The following ABCA3 variants were observed in gnomAD, a reference collection of about 807,000 sequenced individuals.
ABCA3 encodes the protein phospholipid-transporting ATPase ABCA3.
In ABCA3, 88 loss-of-function variants were observed where a neutral mutation model predicts 172.8. That is an observed-to-expected ratio of 0.51 (90% CI 0.43 to 0.61). ABCA3 has a LOEUF of 0.61. Among genes scored for constraint, ABCA3 ranks in the 20% least tolerant of loss-of-function variants. The pLI, the probability that ABCA3 is intolerant of heterozygous loss-of-function variation, is 0.00. For synonymous variants in ABCA3, 1,066 were observed against 983.8 expected (o/e 1.08, Z -1.56); for missense variants, 2,164 against 2,301.0 (o/e 0.94, Z 1.22).
intron 10 of ABCA3, 76 bp downstream of exon 10, chr16:2,317,206 AC>A: frequency 6.3e-7 from 1 of 1,599,762 alleles, no homozygotes; most frequent in Non-Finnish European, 8.5e-7. Flanking sequence ...CCTTCCGATC[AC>A]AGCCTCTGGG....
chr16:2,285,532 C>A lies in ABCA3; in HGVS notation c.3393G>T (p.Gln1131His), dbSNP rs1490344721. 1 of 1,604,810 alleles carries A rather than the reference C, an allele frequency of 6.2e-7. No homozygotes were observed. Among genetic ancestry groups the A allele is most frequent in the Non-Finnish European group, 8.5e-7 (1 of 1,175,652 alleles). ...SERAVQAKHVQFVSGVHVASF... is the reference protein window; with the variant it reads ...SERAVQAKHVHFVSGVHVASF... ...TGGCCACGTGGACTCCACTCACAAA[C>A]TGCACATGCTTGGCCTGCACGGCCC... Residue 1131 changes from glutamine (Q) to histidine (H), a missense_variant, in exon 23 of 33, where the codon CAG (glutamine) becomes CAT (histidine). Gln to His is a conservative substitution (Grantham distance 24, BLOSUM62 0). Around this residue, in one of 3 missense-constraint regions of ABCA3, gnomAD observed 795 missense variants for 881.9 expected, o/e 0.90. Coordinates refer to ENST00000301732, the MANE Select transcript of ABCA3 (RefSeq NM_001089.3). The surrounding 1 kb of genome is among the most constrained non-coding windows in gnomAD (Gnocchi z 4.7).
At chr16:2,292,698 T>C (rs757577767) in intron 18 of ABCA3, among the ~76,000 whole-genome samples, 9 of 152,164 alleles carry the variant, frequency 5.9e-5, no homozygotes, top group Admixed American at 1.3e-4. Context: ...GGTGGGCGAA[T>C]TGCCTGAACT....
At position 2,281,180 on chromosome 16, in the gene ABCA3, G is replaced by C. The variant is rs369224394; in HGVS notation, c.4206C>G (p.Leu1402=). The part of the protein sequence containing the change: ...QRVPLLAVDR[L]SLAVQKGECF... ...ACTCCCCTTTCTGCACCGCGAGGGA[G>C]AGCCTGTCCACGGCCAGGAGGGGCA... is the stretch of plus-strand genomic sequence containing the variant. The change falls in exon 28 of 33, where the codon CTC becomes CTG. Residue 1402 remains leucine (L), a synonymous_variant. Transcript: ENST00000301732. This position sits in a 1 kb window ranked among gnomAD's most constrained non-coding sequence, Gnocchi z 4.7. The C allele has an allele frequency of 8.1e-6, 13 of 1,613,582 alleles. No homozygotes were observed. Among genetic ancestry groups the C allele is most frequent in the African/African-American group, 1.3e-5 (1 of 74,944 alleles).
chr16:2,340,184 G>A (rs546729489), intron 1 of ABCA3, among the ~76,000 whole-genome samples: 1 of 152,204 alleles, frequency 6.6e-6, no homozygotes, highest in Non-Finnish European at 1.5e-5. Flanking sequence ...TGCATCCCTC[G>A]GGGCCGGGGC....
At chr16:2,309,187 C>A (rs1429868292) in intron 10 of ABCA3, among the ~76,000 whole-genome samples, 1 of 152,192 alleles carries the variant, frequency 6.6e-6, no homozygotes, top group Non-Finnish European at 1.5e-5. Flanking sequence ...ACCTCGTGAT[C>A]CACCGGCCTT....
chr16:2,296,119 T>C (rs1324726264), intron 17 of ABCA3, among the ~76,000 whole-genome samples: 3 of 152,166 alleles, frequency 2.0e-5, no homozygotes, highest in Non-Finnish European at 4.4e-5. Context: ...AGGAAGGGAC[T>C]GTCAGCAGGA....
rs759921875 is a variant in ABCA3, at chr16:2,328,650, G to T, written c.-224C>A. The stretch of plus-strand genomic sequence containing the variant: ...TGGTGCTGGTCCACTCGCTACAACT[G>T]CAGGCAGAGAGGAGTCCTTCCCGCT... On this transcript the variant is annotated 5_prime_UTR_variant, in exon 3 of 33. An upstream open reading frame in the 5' UTR gains an earlier in-frame stop. Coordinates refer to ENST00000301732, the MANE Select transcript of ABCA3 (RefSeq NM_001089.3). 26 of 470,262 alleles carry T rather than the reference G, an allele frequency of 5.5e-5. No individual in the cohort carries two copies. Among genetic ancestry groups the T allele is most frequent in the Non-Finnish European group, 1.1e-4 (26 of 233,518 alleles). 29.1% of individuals were successfully genotyped at this position (470,262 alleles called of 1,614,324 possible).
At chr16:2,338,952 C>T (rs2093756145) in intron 1 of ABCA3, among the ~76,000 whole-genome samples, 1 of 151,852 alleles carries the variant, frequency 6.6e-6, no homozygotes, top group South Asian at 2.1e-4. Context: ...GATGAGGTTT[C>T]GCCATGTTGG....
Position 2,277,619 on chromosome 16 carries a change from C to T in ABCA3, c.4961G>A (p.Gly1654Asp). The part of the protein sequence containing the change: ...HQGMVHYHLP[G>D]RDLSWAKVFG... The stretch of plus-strand genomic sequence containing the variant: ...CACCTTCGCCCAGCTGAGGTCACGG[C>T]CCGGCAGGTGGTAATGGACCATGCC... The change falls in exon 32 of 33, where the codon GGC becomes GAC. Residue 1654 changes from glycine to aspartate, a missense_variant. Transcript: ENST00000301732. This position sits in a 1 kb window ranked among gnomAD's most constrained non-coding sequence, Gnocchi z 5.3. 6.2e-7 allele frequency: 1 copy of T among 1,613,138 alleles called. No individual in the cohort carries two copies.
At chr16:2,293,357 G>C (rs2093674990) in intron 18 of ABCA3, among the ~76,000 whole-genome samples, 1 of 145,272 alleles carries the variant, frequency 6.9e-6, no homozygotes, top group Non-Finnish European at 1.5e-5. Context: ...ACCGTGCCTG[G>C]CCAAAATGCC....
chr16:2,308,612 C>G lies in ABCA3; in HGVS notation c.1123G>C (p.Ala375Pro). 6.2e-7 allele frequency: 1 copy of G among 1,614,038 alleles called. No individual in the cohort carries two copies. Residue 375 changes from alanine (A) to proline (P), a missense_variant, in exon 11 of 33, where the codon GCA becomes CCA. Coordinates refer to ENST00000301732, the MANE Select transcript of ABCA3 (RefSeq NM_001089.3). ...STFFSKANMAAAFGGFLYFFT... is the reference protein window; with the variant it reads ...STFFSKANMAPAFGGFLYFFT... ...AAGTAGAGGAAGCCTCCGAAGGCTGCTGCCATGTTGGCTGCAGGTGTTGGA... is the reference window on the plus strand; with the variant it reads ...AAGTAGAGGAAGCCTCCGAAGGCTGGTGCCATGTTGGCTGCAGGTGTTGGA...
chr16:2,299,858 G>C, intron 13 of ABCA3, 147 bp downstream of exon 13: 1 of 1,190,864 alleles, frequency 8.4e-7, no homozygotes, highest in East Asian at 2.3e-5. Context: ...TTAGAGGGCA[G>C]CGGAGGGTTC....
At position 2,288,159 on chromosome 16, in the gene ABCA3, C is replaced by T; in HGVS notation, c.2871G>A (p.Arg957=). 1 of 1,610,926 alleles carries T rather than the reference C, an allele frequency of 6.2e-7. No individual in the cohort carries two copies. The highest frequency in any genetic ancestry group is 8.5e-7 in the Non-Finnish European group (1 of 1,178,576). The change falls in exon 21 of 33, where the codon AGG becomes AGA. Residue 957 remains arginine, a synonymous_variant. Transcript: ENST00000301732. ...SSELFDDPML[R]LTLGEYGRTV... ...TTCTGCCGTACTCGCCCAAGGTCAG[C>T]CTCAGCATGGGGTCGTCGAAGAGCT...
intron 12 of ABCA3, among the ~76,000 whole-genome samples, chr16:2,301,569 G>A (rs1056473178): frequency 3.9e-5 from 6 of 152,042 alleles, no homozygotes; most frequent in South Asian, 2.1e-4. Flanking sequence ...AATTAGGTGC[G>A]TGTAGTGGTG....
chr16:2,319,638 G>A lies in ABCA3; in HGVS notation c.816C>T (p.Thr272=). 1 of 1,613,738 alleles carries A rather than the reference G, an allele frequency of 6.2e-7. No homozygotes were observed. The highest frequency in any genetic ancestry group is 8.5e-7 in the Non-Finnish European group (1 of 1,180,024). ...QLPLLLLLSF[T]YTALTIARAV... Reference sequence around the variant, plus strand: ...CACGGGCAATGGTGAGCGCGGTGTAGGTGAAGCTGAGCAGCAGCAGCAGGG... The same window carrying A: ...CACGGGCAATGGTGAGCGCGGTGTAAGTGAAGCTGAGCAGCAGCAGCAGGG... The change falls in exon 8 of 33, where the codon ACC becomes ACT. Residue 272 remains threonine, a synonymous_variant. Transcript: ENST00000301732.
At position 2,281,544 on chromosome 16, in the gene ABCA3, C is replaced by A. The variant is rs2093655239; in HGVS notation, c.4036-35G>T. The A allele has an allele frequency of 1.2e-6, 2 of 1,610,590 alleles. No homozygotes were observed. The highest frequency in any genetic ancestry group is 1.7e-6 in the Non-Finnish European group (2 of 1,178,986). Reference sequence around the variant, plus strand: ...CAGGACAAAGACCGCATGCGTGAACCCAGCCGCAGGGCGGCTTCCGTGGAG... The same window carrying A: ...CAGGACAAAGACCGCATGCGTGAACACAGCCGCAGGGCGGCTTCCGTGGAG... On this transcript the variant is annotated intron_variant, in intron 26 of 32. Coordinates refer to ENST00000301732, the MANE Select transcript of ABCA3 (RefSeq NM_001089.3). This position sits in a 1 kb window ranked among gnomAD's most constrained non-coding sequence, Gnocchi z 4.7.
intron 1 of ABCA3, among the ~76,000 whole-genome samples, chr16:2,338,933 T>G (rs1377258338): frequency 6.6e-6 from 1 of 152,024 alleles, no homozygotes; most frequent in African/African-American, 2.4e-5. Flanking sequence ...TTTTTATATT[T>G]TTGGTAAAGA....
At chr16:2,307,362 G>T (rs899575417) in intron 11 of ABCA3, among the ~76,000 whole-genome samples, 1 of 151,910 alleles carries the variant, frequency 6.6e-6, no homozygotes, top group Non-Finnish European at 1.5e-5. Flanking sequence ...AGACCAGCCT[G>T]GCCAACATGG....
chr16:2,289,712 T>C (rs2093668920), intron 19 of ABCA3, 92 bp from the exon 20 acceptor site: 1 of 1,396,180 alleles, frequency 7.2e-7, no homozygotes, highest in East Asian at 2.5e-5. Flanking sequence ...GGGAGCAGTG[T>C]TGCCGCAGTC....
Sources: allele counts gnomAD v4.1 joint callset (sites outside exome capture counted in the v4.1 genomes callset), GRCh38; gene constraint gnomAD v4.1.1; regional missense constraint gnomAD v4.1.1; non-coding constraint Gnocchi (gnomAD v3.1); transcripts MANE v1.5; gene names NCBI Gene and HGNC (gene_info 2026-07-23, HGNC 2026-07-21).